LRRC27: variants seen among roughly 807,000 people sequenced by gnomAD.
LRRC27 encodes leucine-rich repeat-containing protein 27.
Under a neutral mutation model 55.0 loss-of-function variants are expected in LRRC27, and 57 were observed. The ratio of observed to expected loss-of-function variants is 1.04; its 90% CI spans 0.84 to 1.29. LRRC27 has a LOEUF of 1.29. Ranked by LOEUF, LRRC27 falls within the 50% of genes most tolerant of loss-of-function variation. The probability of loss-of-function intolerance (pLI) is 0.00; values close to 1 mark genes in which losing one functional copy is unlikely to be tolerated. For synonymous variants in LRRC27, 278 were observed against 251.9 expected (o/e 1.10, Z -0.98); for missense variants, 721 against 651.5 (o/e 1.11, Z -1.16).
intron 10 of LRRC27, among the ~76,000 whole-genome samples, chr10:132,369,253 T>A (rs891039160): frequency 6.6e-6 from 1 of 152,222 alleles, no homozygotes; most frequent in Non-Finnish European, 1.5e-5. Flanking sequence ...TACAATCCAG[T>A]AATCACACTC....
chr10:132,365,589 GTTTTT>G, intron 10 of LRRC27, 39 bp downstream of exon 10: 1 of 1,600,574 alleles, frequency 6.2e-7, no homozygotes, highest in Non-Finnish European at 8.5e-7. Context: ...AGTGTGGGGT[GTTTTT>G]TGTTTTGTTT....
rs77898840 is a variant in LRRC27, at chr10:132,379,215, G to A, written c.*3973G>A. The A allele has an allele frequency of 2.0e-5, 3 of 147,218 alleles. No homozygotes were observed. In the East Asian group the frequency reaches 6.1e-4, roughly 30 times the overall value. 9.1% of individuals were successfully genotyped at this position (147,218 alleles called of 1,614,324 possible). A position where few individuals can be genotyped will look rare whatever the true frequency, so the allele number is the denominator to read the frequency against. The stretch of plus-strand genomic sequence containing the variant: ...CTCTCCAGAGTTTCCTCTCACCTCC[G>A]TGTTCTCGGGGAGTGCGTGGTCTCA... On this transcript the variant is annotated 3_prime_UTR_variant, in exon 11 of 11. Transcript: ENST00000368614.
rs755149634 is a variant in LRRC27 at position 132,348,258 on chromosome 10, C to T, written c.828C>T (p.Asp276=). 9 of 1,613,934 alleles carry T rather than the reference C, an allele frequency of 5.6e-6. No homozygotes were observed. The highest frequency in any genetic ancestry group is 2.2e-5 in the East Asian group (1 of 44,896). ...RQEIVEHVKA[D]VLGDQLLTRE... ...AGATTGTTGAGCACGTGAAGGCAGA[C>T]GTTCTGGGAGATCAGCTCTTGACGA... Residue 276 remains aspartate, a synonymous_variant, in exon 6 of 11, where the codon GAC becomes GAT. Transcript: ENST00000368614. The surrounding 1 kb of genome is among the most constrained non-coding windows in gnomAD (Gnocchi z 4.2).
At chr10:132,331,314 G>C (rs1233109535), upstream of LRRC27, 2 of 967,028 alleles carry the variant, frequency 2.1e-6, no homozygotes, top group Non-Finnish European at 3.0e-6. Context: ...TTATCAGTTG[G>C]ATCCTGGAAT....
At chr10:132,350,741 T>C (rs551528354) in intron 6 of LRRC27, 92 of 152,430 alleles carry the variant, frequency 6.0e-4, no homozygotes, top group Non-Finnish European at 1.1e-3. Flanking sequence ...TGGGCCTTTC[T>C]CCTCTGGGCG....
At chr10:132,366,985 C>T in intron 10 of LRRC27, 1 of 1,248,058 alleles carries the variant, frequency 8.0e-7, no homozygotes, top group Non-Finnish European at 1.0e-6. Flanking sequence ...TTTAGATAAA[C>T]TCTTATTCTT....
At chr10:132,331,845 C>G, upstream of LRRC27, 1 of 1,476,072 alleles carries the variant, frequency 6.8e-7, no homozygotes, top group Non-Finnish European at 9.2e-7. Flanking sequence ...CGCGGAAAAA[C>G]GGATGCTACC....
At chr10:132,373,372 T>G (rs2069260920) in intron 10 of LRRC27, among the ~76,000 whole-genome samples, 1 of 152,026 alleles carries the variant, frequency 6.6e-6, no homozygotes. Context: ...GGAACCAACG[T>G]GCTTCCTGCT....
At chr10:132,371,281 G>A (rs1219300548) in intron 10 of LRRC27, among the ~76,000 whole-genome samples, 1 of 152,038 alleles carries the variant, frequency 6.6e-6, no homozygotes, top group Admixed American at 6.5e-5. Flanking sequence ...ATGCCAAATG[G>A]GGGAAGTAGG....
Position 132,348,053 on chromosome 10 carries a change from ACG to A in LRRC27, c.626_627del (p.Ala209ValfsTer2). The A allele has an allele frequency of 6.2e-7, 1 of 1,613,914 alleles. No homozygotes were observed. The highest frequency in any genetic ancestry group is 8.5e-7 in the Non-Finnish European group (1 of 1,180,024). ...CCAGGACTGGAGTTGTCTGGAGACC[ACG>A]CGTCTAACCAAGGAGCTGTGAACGC... On this transcript the variant is annotated frameshift_variant, in exon 6 of 11. Transcript: ENST00000368614. LOFTEE classifies it high-confidence loss of function. The surrounding 1 kb of genome is among the most constrained non-coding windows in gnomAD (Gnocchi z 4.2).
chr10:132,331,343 A>G, upstream of LRRC27: 2 of 1,299,602 alleles, frequency 1.5e-6, no homozygotes, highest in Non-Finnish European at 2.1e-6. Flanking sequence ...ACGGGACTCC[A>G]GGGTTCCACA....
At chr10:132,344,410 A>T in intron 4 of LRRC27, 88 bp from the exon 5 acceptor site, 2 of 1,341,782 alleles carry the variant, frequency 1.5e-6, no homozygotes, top group Non-Finnish European at 2.0e-6. Context: ...CATATTTTAA[A>T]ATGTGAAAAG....
chr10:132,364,479 A>ACG (rs1456549343), intron 9 of LRRC27, among the ~76,000 whole-genome samples: 13 of 112,422 alleles, frequency 1.2e-4, no homozygotes, highest in Admixed American at 1.7e-4. Context: ...ACTTACACCC[A>ACG]CCCACACTTA....
intron 9 of LRRC27, among the ~76,000 whole-genome samples, chr10:132,363,708 G>C (rs532049912): frequency 6.6e-6 from 1 of 152,086 alleles, no homozygotes; most frequent in South Asian, 2.1e-4. Flanking sequence ...GAAGGCCCAG[G>C]GCCTGGCCCC....
chr10:132,331,359 A>G, upstream of LRRC27: 5 of 1,455,120 alleles, frequency 3.4e-6, no homozygotes, highest in Non-Finnish European at 4.6e-6. Context: ...CCACAGGACC[A>G]CGCGAGCACC....
chr10:132,340,414 G>T lies in LRRC27; in HGVS notation c.342-1799G>T, dbSNP rs564901121. ...CAGCCCCACCCAGCAGCACGTGAGT[G>T]GGCCAGAACCTTTCTGCCTTGACAA... On this transcript the variant is annotated intron_variant, in intron 3 of 10. Transcript: ENST00000368614. Among the ~76,000 whole-genome samples, 66 of 152,240 alleles carry T rather than the reference G, an allele frequency of 4.3e-4. 1 individual carries two copies. The highest frequency in any genetic ancestry group is 1.5e-3 in the African/African-American group (63 of 41,548).
intron 7 of LRRC27, chr10:132,353,279 C>A: frequency 4.0e-6 from 5 of 1,239,722 alleles, no homozygotes; most frequent in Non-Finnish European, 5.1e-6. Context: ...GACAATCTCT[C>A]CTTCCCTGGT....
chr10:132,349,445 G>C (rs1448171316), intron 6 of LRRC27, among the ~76,000 whole-genome samples: 1 of 152,192 alleles, frequency 6.6e-6, no homozygotes, highest in Non-Finnish European at 1.5e-5. Context: ...TGTCCTAGCA[G>C]CACACACAGC....
intron 7 of LRRC27, chr10:132,353,360 G>A (rs2068159550): frequency 9.3e-7 from 1 of 1,077,732 alleles, no homozygotes; most frequent in Non-Finnish European, 1.1e-6. Flanking sequence ...TGGCTCACCT[G>A]CTCCCTCCCC....
Sources: allele counts gnomAD v4.1 joint callset (sites outside exome capture counted in the v4.1 genomes callset), GRCh38; gene constraint gnomAD v4.1.1; non-coding constraint Gnocchi (gnomAD v3.1); transcripts MANE v1.5; gene names NCBI Gene and HGNC (gene_info 2026-07-23, HGNC 2026-07-21).